Variants in PTK2 observed in about 807,000 individuals in gnomAD.
PTK2 encodes focal adhesion kinase 1.
Under a neutral mutation model 150.1 loss-of-function variants are expected in PTK2, and 45 were observed. That is an observed-to-expected ratio of 0.30 (90% confidence interval 0.24 to 0.38). The LOEUF (loss-of-function observed/expected upper bound fraction) is 0.38, where lower values mean the gene tolerates loss of function less well. PTK2 is among the 10% of genes least tolerant of loss of function. The probability of loss-of-function intolerance (pLI) is 1.00; values close to 1 mark genes in which losing one functional copy is unlikely to be tolerated. For missense variants in PTK2, 919 were observed against 1,307.3 expected (o/e 0.70, Z 4.58); for synonymous variants, 432 against 449.2 (o/e 0.96, Z 0.48).
chr8:140,955,895 T>C (rs28731250), intron 1 of PTK2, among the ~76,000 whole-genome samples: 3,677 of 152,246 alleles, frequency 0.024, 159 homozygotes, highest in African/African-American at 0.085. Context: ...ACGATGCAGC[T>C]AAAGCCTCAA....
chr8:140,718,284 GA>G (rs746027198), intron 22 of PTK2: 1 of 152,972 alleles, frequency 6.5e-6, no homozygotes, highest in African/African-American at 2.4e-5. Context: ...CTTTAAGCTG[GA>G]AACCCCATAA....
intron 12 of PTK2, among the ~76,000 whole-genome samples, chr8:140,794,245 G>C (rs2100090272): frequency 2.0e-5 from 3 of 152,162 alleles, no homozygotes; most frequent in Admixed American, 2.0e-4. Context: ...CTTTCAGGAT[G>C]AGATTTAAAC....
At chr8:140,675,425 C>T in intron 28 of PTK2, 35 bp downstream of exon 31, 1 of 1,601,908 alleles carries the variant, frequency 6.2e-7, no homozygotes, top group Non-Finnish European at 8.6e-7. Flanking sequence ...TCAAATTAAA[C>T]TAACTTCTTT....
Position 140,723,877 on chromosome 8 carries a change from C to T in PTK2, c.2031-6168G>A, listed in dbSNP as rs371208162. Among the ~76,000 whole-genome samples the T allele has an allele frequency of 4.6e-5, 7 of 152,296 alleles. No homozygotes were observed. The East Asian group carries it at 7.7e-4, about 17-fold the overall frequency. ...TTAGTGTTAGTTTTATTTTTTACTT[C>T]TCTTACTTTAAAATAAAATCATTGA... On this transcript the variant is annotated intron_variant, in intron 22 of 31. Transcript: ENST00000522684.
chr8:140,763,753 T>A (rs6578133), intron 15 of PTK2, among the ~76,000 whole-genome samples: 88,544 of 151,884 alleles, frequency 0.58, 27,448 homozygotes, highest in African/African-American at 0.79. Context: ...GCTATTTGTA[T>A]TGGTTAGTCA....
At chr8:140,852,923 CT>C (rs1403651062) in intron 5 of PTK2, among the ~76,000 whole-genome samples, 3 of 152,220 alleles carry the variant, frequency 2.0e-5, no homozygotes, top group Non-Finnish European at 4.4e-5. Context: ...AATGTTCTGT[CT>C]GATAAGAGTG....
intron 13 of PTK2, 114 bp from the exon 14 acceptor site, chr8:140,789,640 G>A (rs924128602): frequency 7.7e-6 from 7 of 906,576 alleles, no homozygotes; most frequent in Admixed American, 2.6e-5. Flanking sequence ...TTAGATACGT[G>A]ATTTCTTTAA....
intron 20 of PTK2, among the ~76,000 whole-genome samples, chr8:140,740,964 G>A (rs1190043130): frequency 6.6e-6 from 1 of 151,918 alleles, no homozygotes; most frequent in Non-Finnish European, 1.5e-5. Context: ...GCAACAAAGT[G>A]AGATCTCATC....
At chr8:140,895,605 AGGG>A (rs999440623) in intron 2 of PTK2, among the ~76,000 whole-genome samples, 3 of 152,186 alleles carry the variant, frequency 2.0e-5, no homozygotes, top group African/African-American at 7.2e-5. Flanking sequence ...ACATCTGTGA[AGGG>A]GGGATGGTTA....
chr8:140,659,461 G>C, exon 32 of PTK2: 1 of 1,609,282 alleles, frequency 6.2e-7, no homozygotes, highest in Non-Finnish European at 8.5e-7. Context: ...GCTCCTAGGG[G>C]AGGCTCAGTG....
chr8:140,982,528 C>T (rs1021600942), intron 1 of PTK2, among the ~76,000 whole-genome samples: 2 of 151,932 alleles, frequency 1.3e-5, no homozygotes, highest in Non-Finnish European at 2.9e-5. Flanking sequence ...ACCCGGGAGG[C>T]GGAGGTTGCA....
At chr8:140,669,590 G>A (rs2153081420) in intron 29 of PTK2, 137 bp downstream of exon 33, 1 of 869,774 alleles carries the variant, frequency 1.1e-6, no homozygotes, top group East Asian at 2.7e-5. Flanking sequence ...TTTGGCATCT[G>A]TCAGTCATGA....
chr8:140,736,241 G>C (rs2100052528), intron 21 of PTK2, among the ~76,000 whole-genome samples: 1 of 152,216 alleles, frequency 6.6e-6, no homozygotes. Context: ...ACAACTGAAA[G>C]CCATTTATCC....
At chr8:140,905,108 C>T (rs926694495) in intron 2 of PTK2, among the ~76,000 whole-genome samples, 1 of 152,098 alleles carries the variant, frequency 6.6e-6, no homozygotes, top group Non-Finnish European at 1.5e-5. Context: ...TTAGATCTTT[C>T]CTGCTTTCTC....
chr8:140,900,476 C>T (rs1382134211), intron 2 of PTK2, among the ~76,000 whole-genome samples: 1 of 152,050 alleles, frequency 6.6e-6, no homozygotes, highest in Non-Finnish European at 1.5e-5. Context: ...AATCCCAGCA[C>T]TTTGGGAGGT....
intron 1 of PTK2, among the ~76,000 whole-genome samples, chr8:140,949,462 C>T (rs191571205): frequency 1.1e-3 from 170 of 152,338 alleles, no homozygotes; most frequent in Non-Finnish European, 2.1e-3. Context: ...GGCATCCCTG[C>T]GTTCTTAGGG....
chr8:140,954,409 T>C (rs1170848394), intron 1 of PTK2, among the ~76,000 whole-genome samples: 1 of 152,228 alleles, frequency 6.6e-6, no homozygotes, highest in Admixed American at 6.5e-5. Flanking sequence ...TTTTGGTTTA[T>C]GCAAATGTGA....
intron 8 of PTK2, among the ~76,000 whole-genome samples, chr8:140,825,489 C>T (rs1236790698): frequency 6.6e-6 from 1 of 152,182 alleles, no homozygotes; most frequent in Non-Finnish European, 1.5e-5. Flanking sequence ...AAACTGATAA[C>T]TATTGATCTC....
chr8:140,679,321 G>A (rs2100015787), intron 27 of PTK2, among the ~76,000 whole-genome samples: 1 of 151,912 alleles, frequency 6.6e-6, no homozygotes, highest in South Asian at 2.1e-4. Flanking sequence ...CACCGCGCCT[G>A]GCCCCATGCT....
Sources: gnomAD v4.1 joint callset for allele counts (sites outside exome capture counted in the v4.1 genomes callset) on GRCh38, gnomAD v4.1.1 for gene constraint, MANE v1.5 for transcripts, NCBI Gene and HGNC (gene_info 2026-07-23, HGNC 2026-07-21) for gene names.